Variants in THAP4 observed in about 807,000 individuals in gnomAD.
THAP4 encodes peroxynitrite isomerase THAP4.
THAP4 carries 18 observed loss-of-function variants against 48.1 expected under a neutral mutation model. The observed-to-expected ratio is 0.37, with a 90% CI of 0.26 to 0.56. The LOEUF (loss-of-function observed/expected upper bound fraction) is 0.56, where lower values mean the gene tolerates loss of function less well. Ranked by LOEUF, THAP4 falls within the 20% of genes least tolerant of loss-of-function variation. THAP4 has a pLI of 0.78. For synonymous variants in THAP4, 345 were observed against 324.9 expected (o/e 1.06, Z -0.66); for missense variants, 656 against 774.9 (o/e 0.85, Z 1.82).
chr2:241,635,630 C>T (rs543925376), intron 1 of THAP4, among the ~76,000 whole-genome samples: 4 of 152,028 alleles, frequency 2.6e-5, no homozygotes, highest in African/African-American at 7.2e-5. Flanking sequence ...ATTAGACAGG[C>T]GTGGTGGCGC....
chr2:241,587,733 C>A (rs1005945968), intron 5 of THAP4, among the ~76,000 whole-genome samples: 2 of 151,654 alleles, frequency 1.3e-5, no homozygotes, highest in African/African-American at 4.8e-5. Flanking sequence ...CTCTAAATAA[C>A]CCTGTTCAAA....
intron 1 of THAP4, among the ~76,000 whole-genome samples, chr2:241,636,648 G>C (rs1034480286): frequency 6.6e-6 from 1 of 152,140 alleles, no homozygotes; most frequent in Non-Finnish European, 1.5e-5. Context: ...CAGGACAATC[G>C]GCCCAGGACC....
chr2:241,595,116 G>A (rs1198572890), intron 5 of THAP4, among the ~76,000 whole-genome samples: 4 of 151,976 alleles, frequency 2.6e-5, no homozygotes, highest in Non-Finnish European at 5.9e-5. Flanking sequence ...AGGTTCAAGC[G>A]ATTCTCCTGC....
chr2:241,587,598 A>T (rs1308048654), intron 5 of THAP4, among the ~76,000 whole-genome samples: 6 of 152,258 alleles, frequency 3.9e-5, no homozygotes. Flanking sequence ...TAAGTCTCCA[A>T]CATTTTTTAA....
At chr2:241,619,659 G>A (rs958559547) in intron 2 of THAP4, among the ~76,000 whole-genome samples, 6 of 152,228 alleles carry the variant, frequency 3.9e-5, no homozygotes, top group African/African-American at 1.4e-4. Context: ...CTCTGGGTGA[G>A]TTGGTGAGTA....
At chr2:241,617,890 T>C (rs2067368021) in intron 2 of THAP4, among the ~76,000 whole-genome samples, 2 of 152,156 alleles carry the variant, frequency 1.3e-5, no homozygotes, top group Admixed American at 6.5e-5. Context: ...CTCCAGAGAC[T>C]GTCCTGTCTC....
Position 241,633,252 on chromosome 2 carries a change from G to T in THAP4, c.905C>A (p.Ala302Asp). The T allele has an allele frequency of 1.2e-6, 2 of 1,610,778 alleles. No individual in the cohort carries two copies. The highest frequency in any genetic ancestry group is 1.7e-6 in the Non-Finnish European group (2 of 1,179,128). Residue 302 changes from alanine (A) to aspartate (D), a missense_variant, in exon 2 of 6, where the codon GCC becomes GAC. Physicochemically the swap from Ala to Asp is moderately radical, Grantham distance 126 (BLOSUM62 -2). Around this residue, in one of 4 missense-constraint regions of THAP4, gnomAD observed 391 missense variants for 412.4 expected, o/e 0.95. Coordinates refer to ENST00000407315, the MANE Select transcript of THAP4 (RefSeq NM_015963.6). This position sits in a 1 kb window ranked among gnomAD's most constrained non-coding sequence, Gnocchi z 7.5. ...CTTTGGGGTGACGTCGGCAGGAGGG[G>T]CAGAGGGGCTCTGGGAAGGCTTCTG... ...TPQKPSQSPS[A>D]PPADVTPKPA...
chr2:241,621,418 T>C lies in THAP4; in HGVS notation c.1240+11499A>G, dbSNP rs746276245. Among the ~76,000 whole-genome samples the C allele has an allele frequency of 3.3e-5, 5 of 152,030 alleles. No homozygotes were observed. In the East Asian group the frequency reaches 5.8e-4, roughly 18 times the overall value. ...GGGCTCTAATGGAAAAAGTGGGTGA[T>C]AGGCAAGAAAACATGGGCAATGTAA... On this transcript the variant is annotated intron_variant, in intron 2 of 5. Coordinates refer to ENST00000407315, the MANE Select transcript of THAP4 (RefSeq NM_015963.6).
Position 241,633,514 on chromosome 2 carries a change from C to A in THAP4, c.643G>T (p.Gly215Cys). 2 of 1,614,136 alleles carry A rather than the reference C, an allele frequency of 1.2e-6. No homozygotes were observed. Among genetic ancestry groups the A allele is most frequent in the Non-Finnish European group, 1.7e-6 (2 of 1,180,030 alleles). The change falls in exon 2 of 6, where the codon GGC (glycine) becomes TGC (cysteine). Residue 215 changes from glycine to cysteine, a missense_variant. Gly to Cys is a radical substitution (Grantham distance 159). Around this residue, in one of 4 missense-constraint regions of THAP4, gnomAD observed 391 missense variants for 412.4 expected, o/e 0.95. Transcript: ENST00000407315. The surrounding 1 kb of genome is among the most constrained non-coding windows in gnomAD (Gnocchi z 7.5). ...SIEGGVTDKS[G>C]ISMDDFTPPG... ...GGCGTAAAGTCATCCATAGAAATGCCACTCTTATCTGTCACGCCCCCTTCG... is the reference window on the plus strand; with the variant it reads ...GGCGTAAAGTCATCCATAGAAATGCAACTCTTATCTGTCACGCCCCCTTCG...
intron 3 of THAP4, 24 bp from the exon 4 acceptor site, chr2:241,603,103 A>G (rs2067138135): frequency 6.3e-7 from 1 of 1,595,710 alleles, no homozygotes; most frequent in African/African-American, 1.3e-5. Context: ...TGGAGTTGAG[A>G]AGCCCAGGCA....
chr2:241,617,444 G>A (rs1022950362), intron 2 of THAP4: 9 of 1,551,370 alleles, frequency 5.8e-6, no homozygotes, highest in Admixed American at 2.0e-5. Context: ...CCGGACACTC[G>A]TCAAGGTTCC....
intron 5 of THAP4, among the ~76,000 whole-genome samples, chr2:241,585,672 C>T (rs892344143): frequency 6.6e-5 from 10 of 151,922 alleles, no homozygotes; most frequent in African/African-American, 2.4e-4. Flanking sequence ...GATGTGGTAG[C>T]TAAGAGGCTG....
chr2:241,624,441 C>T lies in THAP4; in HGVS notation c.1240+8476G>A, dbSNP rs187813131. Among the ~76,000 whole-genome samples, 120 of 151,696 alleles carry T rather than the reference C, an allele frequency of 7.9e-4. 1 individual carries two copies. Among genetic ancestry groups the T allele is most frequent in the East Asian group, 4.7e-3 (24 of 5,140 alleles). On this transcript the variant is annotated intron_variant, in intron 2 of 5. Transcript: ENST00000407315. ...GGCAGAGGTTGCAATGAGCCGAGAT[C>T]GCGCCACTGTACTCCAGCCTGGCAA...
chr2:241,595,011 G>T (rs1379679296), intron 5 of THAP4, among the ~76,000 whole-genome samples: 1 of 152,102 alleles, frequency 6.6e-6, no homozygotes, highest in African/African-American at 2.4e-5. Flanking sequence ...AGTATGTGAA[G>T]ATCTTTTTTT....
At chr2:241,631,993 C>T (rs1450214329) in intron 2 of THAP4, among the ~76,000 whole-genome samples, 1 of 151,486 alleles carries the variant, frequency 6.6e-6, no homozygotes, top group Non-Finnish European at 1.5e-5. Flanking sequence ...CTGCAACCTC[C>T]GCCTCCCAGG....
Position 241,605,988 on chromosome 2 carries a change from C to T in THAP4, c.1400+326G>A, listed in dbSNP as rs1575025582. 2.6e-5 allele frequency among the ~76,000 whole-genome samples: 4 copies of T among 152,200 alleles called. No homozygotes were observed. The South Asian group carries it at 8.3e-4, about 32-fold the overall frequency. ...CTCAGCCTCTAAAGTGCTGGGATTA[C>T]AGGTATGAGCTACCGCACTGGCCAG... is the stretch of plus-strand genomic sequence containing the variant. On this transcript the variant is annotated intron_variant, in intron 3 of 5. Coordinates refer to ENST00000407315, the MANE Select transcript of THAP4 (RefSeq NM_015963.6).
intron 5 of THAP4, among the ~76,000 whole-genome samples, chr2:241,595,605 C>A (rs1466497489): frequency 6.6e-6 from 1 of 151,798 alleles, no homozygotes. Context: ...CCACTGCACT[C>A]CAGCCTGGGC....
intron 5 of THAP4, 60 bp from the exon 6 acceptor site, chr2:241,584,785 C>T: frequency 6.2e-7 from 1 of 1,603,532 alleles, no homozygotes; most frequent in Non-Finnish European, 8.5e-7. Flanking sequence ...TCAATCAATG[C>T]CTGTGCGCCC....
intron 2 of THAP4, among the ~76,000 whole-genome samples, chr2:241,628,079 G>A (rs770490395): frequency 1.6e-4 from 24 of 151,916 alleles, no homozygotes; most frequent in Non-Finnish European, 2.6e-4. Flanking sequence ...AGTAACCAGC[G>A]ACCCTGGGAG....
Sources: allele counts gnomAD v4.1 joint callset (sites outside exome capture counted in the v4.1 genomes callset), GRCh38; gene constraint gnomAD v4.1.1; regional missense constraint gnomAD v4.1.1; non-coding constraint Gnocchi (gnomAD v3.1); transcripts MANE v1.5; gene names NCBI Gene and HGNC (gene_info 2026-07-23, HGNC 2026-07-21).